BRINP1: variants seen among roughly 807,000 people sequenced by gnomAD.
The protein encoded by BRINP1 is BMP/retinoic acid inducible neural specific 1, also known as BMP/retinoic acid-inducible neural-specific protein 1.
Under a neutral mutation model 72.9 loss-of-function variants are expected in BRINP1, and 17 were observed. The ratio of observed to expected loss-of-function variants is 0.23; its 90% CI spans 0.16 to 0.35. BRINP1 has a LOEUF of 0.35. Ranked by LOEUF, BRINP1 falls within the 10% of genes least tolerant of loss-of-function variation. The probability of loss-of-function intolerance (pLI) is 1.00; values close to 1 mark genes in which losing one functional copy is unlikely to be tolerated. For synonymous variants in BRINP1, 418 were observed against 378.5 expected (o/e 1.10, Z -1.21); for missense variants, 850 against 1,001.6 (o/e 0.85, Z 2.04).
At chr9:119,321,496 ATTTTTTAGTTTTTTGAGACAGGGT>A (rs1831187134) in intron 1 of BRINP1, among the ~76,000 whole-genome samples, 1 of 151,804 alleles carries the variant, frequency 6.6e-6, no homozygotes, top group African/African-American at 2.4e-5. Flanking sequence ...TTATTTATTT[ATTTTTTAGTTTTTTGAGACAGGGT>A]CTCACTCTAT....
In BRINP1 at chr9:119,259,847, T is replaced by G. The variant is rs143176514; in HGVS notation, c.219-10697A>C. 3.9e-3 allele frequency among the ~76,000 whole-genome samples: 589 copies of G among 152,302 alleles called. 4 individuals are homozygous for G. Among genetic ancestry groups the G allele is most frequent in the African/African-American group, 0.014 (567 of 41,566 alleles). ...AAATCCAGGTCTCGCACACCAGGTCTCTGCTTAATTCCCTCTGCCACAGTG... is the reference window on the plus strand; with the variant it reads ...AAATCCAGGTCTCGCACACCAGGTCGCTGCTTAATTCCCTCTGCCACAGTG... On this transcript the variant is annotated intron_variant, in intron 2 of 7. Coordinates refer to ENST00000265922, the MANE Select transcript of BRINP1 (RefSeq NM_014618.3).
chr9:119,197,784 C>A (rs191821241), intron 7 of BRINP1, among the ~76,000 whole-genome samples: 1 of 152,124 alleles, frequency 6.6e-6, no homozygotes, highest in Non-Finnish European at 1.5e-5. Context: ...TGTTTATGCC[C>A]GTTGCATTTG....
chr9:119,202,776 A>G (rs960911266), intron 7 of BRINP1, among the ~76,000 whole-genome samples: 2 of 152,202 alleles, frequency 1.3e-5, no homozygotes, highest in African/African-American at 4.8e-5. Context: ...TCGACCCATT[A>G]CTGGTCCCCA....
At chr9:119,198,062 G>A (rs1192064093) in intron 7 of BRINP1, among the ~76,000 whole-genome samples, 1 of 152,104 alleles carries the variant, frequency 6.6e-6, no homozygotes, top group East Asian at 1.9e-4. Flanking sequence ...ACGCAATTAT[G>A]GTATGGTTTA....
intron 2 of BRINP1, among the ~76,000 whole-genome samples, chr9:119,284,118 T>G (rs979692089): frequency 5.3e-5 from 8 of 152,156 alleles, no homozygotes; most frequent in Non-Finnish European, 1.2e-4. Context: ...TTCTCTCCAC[T>G]CCCCTCCCAT....
chr9:119,265,639 TC>T (rs1438656975), intron 2 of BRINP1, among the ~76,000 whole-genome samples: 1 of 151,894 alleles, frequency 6.6e-6, no homozygotes, highest in Non-Finnish European at 1.5e-5. Flanking sequence ...AAAAAATCAG[TC>T]CTCAAATCAT....
intron 5 of BRINP1, among the ~76,000 whole-genome samples, chr9:119,233,476 T>A (rs1830165605): frequency 6.6e-6 from 1 of 151,834 alleles, no homozygotes; most frequent in Admixed American, 6.6e-5. Flanking sequence ...CTGAAAAAAA[T>A]AATATCTATT....
chr9:119,261,512 C>A (rs1830494715), intron 2 of BRINP1, among the ~76,000 whole-genome samples: 1 of 152,126 alleles, frequency 6.6e-6, no homozygotes, highest in Non-Finnish European at 1.5e-5. Context: ...AGAGCTACTC[C>A]CAAAGTCTGA....
At position 119,167,792 on chromosome 9, in the gene BRINP1, G is replaced by A; in HGVS notation, c.1578C>T (p.Leu526=). The change falls in exon 8 of 8, where the codon CTC becomes CTT. Residue 526 remains leucine, a synonymous_variant. Transcript: ENST00000265922. This position sits in a 1 kb window ranked among gnomAD's most constrained non-coding sequence, Gnocchi z 4.3. ...TGCGGTTCTTGTTGCTCTTGAGAGT[G>A]AGGGACATGCGCTTGCGCCACCGAG... The part of the protein sequence containing the change: ...FDPRWRKRMS[L]TLKSNKNRMD... 6.2e-7 allele frequency: 1 copy of A among 1,614,072 alleles called. No individual in the cohort carries two copies.
intron 3 of BRINP1, among the ~76,000 whole-genome samples, chr9:119,245,640 T>C (rs1381903070): frequency 6.6e-6 from 1 of 152,228 alleles, no homozygotes; most frequent in Non-Finnish European, 1.5e-5. Flanking sequence ...CCATCACCTC[T>C]GCTTCTCCAT....
intron 3 of BRINP1, among the ~76,000 whole-genome samples, chr9:119,242,805 C>T (rs1830268040): frequency 6.6e-6 from 1 of 152,030 alleles, no homozygotes; most frequent in Admixed American, 6.6e-5. Context: ...AAAATTTATA[C>T]ATTTTCTTCT....
At chr9:119,279,554 T>C (rs1379995364) in intron 2 of BRINP1, among the ~76,000 whole-genome samples, 7 of 152,224 alleles carry the variant, frequency 4.6e-5, no homozygotes, top group Non-Finnish European at 7.3e-5. Context: ...TTCAAACACA[T>C]GTCTCAAATG....
chr9:119,286,345 C>G lies in BRINP1; in HGVS notation c.218+26793G>C, dbSNP rs149889699. On this transcript the variant is annotated intron_variant, in intron 2 of 7. Transcript: ENST00000265922. ...CCTCCTGGGTTCACGCCATTCTCCT[C>G]CCTCAGCCTCCCAAGTAGCTGGGAC... Among the ~76,000 whole-genome samples the G allele has an allele frequency of 8.1e-3, 1,228 of 151,872 alleles. 14 individuals carry two copies. Among genetic ancestry groups the G allele is most frequent in the African/African-American group, 0.029 (1,186 of 41,444 alleles).
rs60503500 is a variant in BRINP1 at position 119,217,330 on chromosome 9, G to GACACAC, written c.686-3181_686-3176dup. On this transcript the variant is annotated intron_variant, in intron 5 of 7. Transcript: ENST00000265922. ...CAAAGACACAACACACAGACACACA[G>GACACAC]ACACACACACACACACACGGAGAGA... Among the ~76,000 whole-genome samples, 12 of 145,954 alleles carry GACACAC rather than the reference G, an allele frequency of 8.2e-5. 1 individual carries two copies. Among genetic ancestry groups the GACACAC allele is most frequent in the African/African-American group, 3.2e-4 (12 of 37,268 alleles).
At chr9:119,202,423 T>C (rs1225292922) in intron 7 of BRINP1, among the ~76,000 whole-genome samples, 1 of 152,192 alleles carries the variant, frequency 6.6e-6, no homozygotes, top group Non-Finnish European at 1.5e-5. Context: ...ATTTATACAC[T>C]ACCCCTGGTG....
At chr9:119,176,746 T>G (rs1829494453) in intron 7 of BRINP1, among the ~76,000 whole-genome samples, 1 of 152,172 alleles carries the variant, frequency 6.6e-6, no homozygotes, top group Non-Finnish European at 1.5e-5. Flanking sequence ...TTGAAGGTAT[T>G]GAGACACTCT....
At chr9:119,304,094 G>A (rs142362201) in intron 2 of BRINP1, among the ~76,000 whole-genome samples, 11,499 of 151,796 alleles carry the variant, frequency 0.076, 519 homozygotes, top group Non-Finnish European at 0.079. Flanking sequence ...TGGCCAGTCC[G>A]GTCTCAAACT....
chr9:119,269,602 C>A (rs1830587242), intron 2 of BRINP1, among the ~76,000 whole-genome samples: 1 of 152,170 alleles, frequency 6.6e-6, no homozygotes, highest in South Asian at 2.1e-4. Context: ...TAGTTTAATC[C>A]TCAAGGCTGC....
intron 2 of BRINP1, among the ~76,000 whole-genome samples, chr9:119,291,837 T>C (rs1001930587): frequency 6.6e-6 from 1 of 152,090 alleles, no homozygotes; most frequent in South Asian, 2.1e-4. Flanking sequence ...TAGGCTGAAA[T>C]AGAACAGCAT....
Sources: gnomAD v4.1 joint callset for allele counts (sites outside exome capture counted in the v4.1 genomes callset) on GRCh38, gnomAD v4.1.1 for gene constraint, Gnocchi (gnomAD v3.1) non-coding constraint, MANE v1.5 for transcripts, NCBI Gene and HGNC (gene_info 2026-07-23, HGNC 2026-07-21) for gene names.